SLC9A7: variants seen among roughly 807,000 people sequenced by gnomAD.
SLC9A7 encodes solute carrier family 9 member A7, also known as sodium/hydrogen exchanger 7.
Under a neutral mutation model 52.6 loss-of-function variants are expected in SLC9A7, and 19 were observed. The ratio of observed to expected loss-of-function variants is 0.36; its 90% CI spans 0.25 to 0.53. The LOEUF is 0.53. Ranked by LOEUF, SLC9A7 falls within the 20% of genes least tolerant of loss-of-function variation. The pLI, the probability that SLC9A7 is intolerant of heterozygous loss-of-function variation, is 0.91. For synonymous variants in SLC9A7, 226 were observed against 252.1 expected, an observed-to-expected ratio of 0.90 and a Z score of 0.98; for missense variants, 455 against 597.9, an observed-to-expected ratio of 0.76 and a Z score of 2.49.
chrX:46,676,974 C>G lies in SLC9A7; in HGVS notation c.603+2704G>C, dbSNP rs529777064. 1.0e-3 allele frequency among the ~76,000 whole-genome samples: 114 copies of G among 111,749 alleles called. 1 individual carries two copies. The South Asian group carries it at 0.043, about 42-fold the overall frequency. On this transcript the variant is annotated intron_variant, in intron 3 of 16. Coordinates refer to ENST00000616978, the MANE Select transcript of SLC9A7 (RefSeq NM_001257291.2). ...TTAATCATTCTGAGCTGAGATTCAT[C>G]ATCAGTAAAACACAGGACACTCTAC...
At chrX:46,715,050 G>A (rs867407010) in intron 1 of SLC9A7, among the ~76,000 whole-genome samples, 31 of 111,794 alleles carry the variant, frequency 2.8e-4, no homozygotes, top group African/African-American at 8.4e-4. Context: ...CAGACATTGC[G>A]CTAGATTAAA....
intron 14 of SLC9A7, 97 bp from the exon 15 acceptor site, chrX:46,621,156 G>T (rs1943040452): frequency 1.5e-5 from 7 of 475,834 alleles, no homozygotes; most frequent in African/African-American, 9.7e-5. Flanking sequence ...TAGCTCTGGA[G>T]CTCATAGTCA....
chrX:46,714,020 C>G (rs1198824602), intron 1 of SLC9A7, among the ~76,000 whole-genome samples: 1 of 110,940 alleles, frequency 9.0e-6, no homozygotes, highest in African/African-American at 3.3e-5. Flanking sequence ...CTTCTTCCTA[C>G]TACTCTAAGT....
intron 1 of SLC9A7, among the ~76,000 whole-genome samples, chrX:46,722,715 A>C (rs1409181218): frequency 8.9e-6 from 1 of 112,281 alleles, no homozygotes; most frequent in Non-Finnish European, 1.9e-5. Flanking sequence ...CTGTGCCTAC[A>C]GGTCTTTGTC....
chrX:46,664,926 TTAA>T (rs774148881), intron 5 of SLC9A7, among the ~76,000 whole-genome samples: 2 of 110,031 alleles, frequency 1.8e-5, no homozygotes, highest in East Asian at 2.8e-4. Context: ...AAAAGCATAA[TTAA>T]TAATAATAAC....
chrX:46,741,905 C>T (rs1921379066), intron 1 of SLC9A7, among the ~76,000 whole-genome samples: 1 of 109,709 alleles, frequency 9.1e-6, no homozygotes, highest in Admixed American at 9.7e-5. Context: ...TAATGAAGTA[C>T]TTCCATCAAA....
chrX:46,614,529 G>A (rs1389792667), intron 15 of SLC9A7, among the ~76,000 whole-genome samples: 1 of 111,597 alleles, frequency 9.0e-6, no homozygotes, highest in Non-Finnish European at 1.9e-5. Flanking sequence ...CAGTAGCACC[G>A]TTACTCCCCT....
Position 46,672,565 on chromosome X carries a change from T to C in SLC9A7, c.666A>G (p.Ser222=). ...LAYAFLGTAV[S]CFIIGNLMYG... is the part of the protein sequence containing the mutation. Reference sequence around the variant, plus strand: ...GGTTCACTTACCCAATAATGAAGCATGAAACAGCAGTCCCCAAGAAGGCAT... The same window carrying C: ...GGTTCACTTACCCAATAATGAAGCACGAAACAGCAGTCCCCAAGAAGGCAT... The change falls in exon 4 of 17, where the codon TCA becomes TCG. Residue 222 remains serine, a synonymous_variant. Coordinates refer to ENST00000616978, the MANE Select transcript of SLC9A7 (RefSeq NM_001257291.2). 2 of 1,206,029 alleles carry C rather than the reference T, an allele frequency of 1.7e-6. No individual in the cohort carries two copies. Among genetic ancestry groups the C allele is most frequent in the South Asian group, 3.5e-5 (2 of 56,628 alleles).
At position 46,671,561 on chromosome X, in the gene SLC9A7, G is replaced by A. The variant is rs922274447; in HGVS notation, c.680+990C>T. ...TGGGATTACAGGCGTGAGCCACTTC[G>A]CCCTGCCAGACTTTGCTCATTTTTG... On this transcript the variant is annotated intron_variant, in intron 4 of 16. Transcript: ENST00000616978. Among the ~76,000 whole-genome samples, 19 of 111,338 alleles carry A rather than the reference G, an allele frequency of 1.7e-4. No homozygotes were observed. The East Asian group carries it at 2.5e-3, about 15-fold the overall frequency.
chrX:46,729,237 A>G (rs1360788304), intron 1 of SLC9A7, among the ~76,000 whole-genome samples: 1 of 112,520 alleles, frequency 8.9e-6, no homozygotes, highest in African/African-American at 3.2e-5. Context: ...AAATAACTTA[A>G]GGAAAAACAA....
At chrX:46,679,607 CT>C in intron 3 of SLC9A7, 70 bp downstream of exon 3, 1 of 840,621 alleles carries the variant, frequency 1.2e-6, no homozygotes, top group Non-Finnish European at 1.7e-6. Flanking sequence ...AGAAAAATAA[CT>C]AGAAAATTAT....
chrX:46,652,815 A>G (rs1943605282), intron 8 of SLC9A7, among the ~76,000 whole-genome samples: 1 of 111,918 alleles, frequency 8.9e-6, no homozygotes, highest in Non-Finnish European at 1.9e-5. Flanking sequence ...CTAATACTAT[A>G]TGAAACTGAC....
intron 4 of SLC9A7, 48 bp downstream of exon 4, chrX:46,672,503 C>T: frequency 1.0e-6 from 1 of 987,567 alleles, no homozygotes; most frequent in African/African-American, 1.9e-5. Flanking sequence ...TGGATCTCAT[C>T]CCTATGGAAC....
rs1569521104 is a variant in SLC9A7, at chrX:46,706,094, T to C, written c.326-23559A>G. ...GGGAAATGCGAACTCACTGGATATT[T>C]GACAAATATCACAAAATTACTATGG... is the stretch of plus-strand genomic sequence containing the variant. On this transcript the variant is annotated intron_variant, in intron 1 of 16. Transcript: ENST00000616978. 3.7e-5 allele frequency among the ~76,000 whole-genome samples: 4 copies of C among 108,677 alleles called. No individual in the cohort carries two copies. The Admixed American group carries it at 4.0e-4, about 11-fold the overall frequency. The allele number at this position is 108,677 out of a possible 115,157, so 94.4% of individuals were successfully genotyped here. A position where few individuals can be genotyped will look rare whatever the true frequency, so the allele number is the denominator to read the frequency against.
At chrX:46,730,151 C>T (rs1468064630) in intron 1 of SLC9A7, among the ~76,000 whole-genome samples, 3 of 111,263 alleles carry the variant, frequency 2.7e-5, no homozygotes, top group Non-Finnish European at 3.8e-5. Context: ...CCAACATTTA[C>T]ACTAGAAATC....
chrX:46,663,906 C>A (rs1480256991), intron 5 of SLC9A7, among the ~76,000 whole-genome samples: 1 of 111,234 alleles, frequency 9.0e-6, no homozygotes, highest in Non-Finnish European at 1.9e-5. Flanking sequence ...TTGCGGTGAG[C>A]CGAGATTGCG....
At chrX:46,676,561 A>G (rs1405692801) in intron 3 of SLC9A7, among the ~76,000 whole-genome samples, 1 of 112,226 alleles carries the variant, frequency 8.9e-6, no homozygotes, top group African/African-American at 3.2e-5. Flanking sequence ...TTCAACCATC[A>G]TAGTGGCTTT....
rs754446805 is a variant in SLC9A7 at position 46,652,791 on chromosome X, CAT to C, written c.1147+816_1147+817del. Among the ~76,000 whole-genome samples, 463 of 111,778 alleles carry C rather than the reference CAT, an allele frequency of 4.1e-3. 5 individuals are homozygous for C. Among genetic ancestry groups the C allele is most frequent in the Middle Eastern group, 9.1e-3 (2 of 219 alleles). On this transcript the variant is annotated intron_variant, in intron 8 of 16. Transcript: ENST00000616978. ...GAAAGAATGTGAGGAAGTAAAACCA[CAT>C]GTTTCACCTCACTAATACTATATGA...
chrX:46,640,504 A>C (rs1305793013), intron 12 of SLC9A7, among the ~76,000 whole-genome samples: 3 of 112,076 alleles, frequency 2.7e-5, no homozygotes, highest in Non-Finnish European at 5.6e-5. Context: ...GAGTCCTTAG[A>C]CATGATACCA....
Sources: gnomAD v4.1 joint callset for allele counts (sites outside exome capture counted in the v4.1 genomes callset) on GRCh38, gnomAD v4.1.1 for gene constraint, MANE v1.5 for transcripts, NCBI Gene and HGNC (gene_info 2026-07-23, HGNC 2026-07-21) for gene names.